HSF2BP: variants seen among roughly 807,000 people sequenced by gnomAD.
HSF2BP encodes the protein heat shock transcription factor 2 binding protein.
HSF2BP carries 35 observed loss-of-function variants against 35.0 expected under a neutral mutation model. The ratio of observed to expected loss-of-function variants is 1.00; its 90% CI spans 0.76 to 1.32. HSF2BP has a LOEUF of 1.32. Ranked by LOEUF, HSF2BP falls within the 40% of genes most tolerant of loss-of-function variation. The pLI is 0.00. For synonymous variants in HSF2BP, 114 were observed against 117.4 expected (o/e 0.97, Z 0.18); for missense variants, 326 against 321.7 (o/e 1.01, Z -0.10).
chr21:43,640,236 G>A (rs2082618117), intron 4 of HSF2BP, among the ~76,000 whole-genome samples: 2 of 152,248 alleles, frequency 1.3e-5, no homozygotes, highest in Non-Finnish European at 1.5e-5. Context: ...AGGAGGTCAA[G>A]GATGCTGTGA....
the HSF2BP span, among the ~76,000 whole-genome samples, chr21:43,466,576 C>T: frequency 5.6e-5 from 1 of 17,812 alleles, no homozygotes; most frequent in South Asian, 1.5e-3. Context: ...CCACCCACAT[C>T]GAAGTCCTAG....
chr21:43,581,179 G>A (rs1362747984), intron 8 of HSF2BP, among the ~76,000 whole-genome samples: 1 of 152,204 alleles, frequency 6.6e-6, no homozygotes, highest in African/African-American at 2.4e-5. Context: ...GAGGTCAGGA[G>A]ATCGAGACCA....
At chr21:43,614,314 G>C (rs1275600873) in intron 6 of HSF2BP, among the ~76,000 whole-genome samples, 1 of 149,354 alleles carries the variant, frequency 6.7e-6, no homozygotes, top group East Asian at 2.0e-4. Context: ...AGTGAGCCAT[G>C]ATCATGACAC....
chr21:43,593,002 G>T (rs901635171), intron 7 of HSF2BP, among the ~76,000 whole-genome samples: 2 of 152,132 alleles, frequency 1.3e-5, no homozygotes, highest in Non-Finnish European at 2.9e-5. Flanking sequence ...CAATAAAAAG[G>T]CTAGACAAAT....
At position 43,639,765 on chromosome 21, in the gene HSF2BP, C is replaced by T. The variant is rs566063037; in HGVS notation, c.291+4524G>A. ...CTAAATGTGCACTTACCATACAACC[C>T]AGTAATTGTACTCTCGGGCATTTAT... On this transcript the variant is annotated intron_variant, in intron 4 of 8. Transcript: ENST00000291560. 9.7e-4 allele frequency among the ~76,000 whole-genome samples: 147 copies of T among 152,210 alleles called. 1 individual carries two copies. Among genetic ancestry groups the T allele is most frequent in the African/African-American group, 3.3e-3 (139 of 41,520 alleles).
chr21:43,640,095 G>A (rs2082615849), intron 4 of HSF2BP, among the ~76,000 whole-genome samples: 1 of 152,094 alleles, frequency 6.6e-6, no homozygotes, highest in South Asian at 2.1e-4. Flanking sequence ...TGAGCCCAGG[G>A]GTTCAAGACC....
chr21:43,591,054 GGAACTGACACTAAAAAAAAGA>G (rs1488431832), intron 8 of HSF2BP, among the ~76,000 whole-genome samples: 1 of 151,800 alleles, frequency 6.6e-6, no homozygotes, highest in Non-Finnish European at 1.5e-5. Context: ...ACCACCAAAT[GGAACTGACACTAAAAAAAAGA>G]GGTTAATTTG....
chr21:43,589,378 T>A (rs994035187), intron 8 of HSF2BP, among the ~76,000 whole-genome samples: 1 of 152,192 alleles, frequency 6.6e-6, no homozygotes, highest in Non-Finnish European at 1.5e-5. Flanking sequence ...AATGAAGACA[T>A]ATACTTGTGT....
chr21:43,605,417 A>C (rs1221333402), intron 7 of HSF2BP, among the ~76,000 whole-genome samples: 1 of 144,770 alleles, frequency 6.9e-6, no homozygotes, highest in Non-Finnish European at 1.5e-5. Context: ...CACACCACAC[A>C]CACACTCCAA....
intron 4 of HSF2BP, among the ~76,000 whole-genome samples, chr21:43,637,540 T>C (rs1052663646): frequency 2.0e-5 from 3 of 151,998 alleles, no homozygotes; most frequent in Admixed American, 6.5e-5. Context: ...CAGTGGCTCA[T>C]GCCTGTAATC....
chr21:43,587,765 A>AGCC (rs2081874193), intron 8 of HSF2BP, among the ~76,000 whole-genome samples: 1 of 152,142 alleles, frequency 6.6e-6, no homozygotes, highest in Middle Eastern at 3.2e-3. Context: ...ATTATCCATA[A>AGCC]GCCAAAGCTT....
chr21:43,467,935 ACACACACAC>A, the HSF2BP span, among the ~76,000 whole-genome samples: 21 of 71,546 alleles, frequency 2.9e-4, no homozygotes, highest in Non-Finnish European at 5.0e-4. Context: ...CACACACCAC[ACACACACAC>A]CACACACACC....
chr21:43,646,146 T>TA (rs528851853), intron 3 of HSF2BP, among the ~76,000 whole-genome samples: 14,774 of 129,634 alleles, frequency 0.11, 1,276 homozygotes, highest in African/African-American at 0.25. Context: ...TCCCATCTCT[T>TA]AAAAAAAAAA....
chr21:43,629,536 G>A (rs2082429107), intron 6 of HSF2BP, among the ~76,000 whole-genome samples: 1 of 152,198 alleles, frequency 6.6e-6, no homozygotes, highest in African/African-American at 2.4e-5. Context: ...TTGCACTCCA[G>A]CCTGGGCAAC....
intron 7 of HSF2BP, among the ~76,000 whole-genome samples, chr21:43,601,244 C>A (rs116588177): frequency 2.6e-5 from 4 of 152,288 alleles, no homozygotes; most frequent in African/African-American, 9.6e-5. Flanking sequence ...TCCAGCAGCA[C>A]ATGGACAGGT....
At chr21:43,614,005 T>C (rs1166437050) in intron 6 of HSF2BP, 58 bp from the exon 7 acceptor site, 3 of 1,242,684 alleles carry the variant, frequency 2.4e-6, no homozygotes. Context: ...CCTAGACAAT[T>C]TTGTGCAGAA....
intron 2 of HSF2BP, 47 bp downstream of exon 2, chr21:43,658,014 G>T: frequency 6.5e-7 from 1 of 1,535,044 alleles, no homozygotes; most frequent in South Asian, 1.2e-5. Flanking sequence ...GGGAGCGAAT[G>T]GCGACGGTTC....
intron 3 of HSF2BP, among the ~76,000 whole-genome samples, chr21:43,652,576 C>G (rs1046993550): frequency 2.6e-5 from 4 of 152,086 alleles, no homozygotes; most frequent in Admixed American, 1.3e-4. Context: ...AGAGTCATGT[C>G]TAGCATGATT....
intron 3 of HSF2BP, among the ~76,000 whole-genome samples, chr21:43,656,220 T>A (rs2082865950): frequency 1.3e-5 from 2 of 152,348 alleles, no homozygotes; most frequent in Middle Eastern, 3.4e-3. Context: ...CAGCTATCTC[T>A]ACTGACAAGT....
Sources: gnomAD v4.1 joint callset for allele counts (sites outside exome capture counted in the v4.1 genomes callset) on GRCh38, gnomAD v4.1.1 for gene constraint, MANE v1.5 for transcripts, NCBI Gene and HGNC (gene_info 2026-07-23, HGNC 2026-07-21) for gene names.